Variants in SDC3 observed in about 807,000 individuals in gnomAD.
SDC3 encodes the protein syndecan-3.
SDC3 carries 13 observed loss-of-function variants against 24.4 expected under a neutral mutation model. That is an observed-to-expected ratio of 0.53 (90% CI 0.35 to 0.85). The LOEUF (loss-of-function observed/expected upper bound fraction) is 0.85, where lower values mean the gene tolerates loss of function less well. SDC3 is among the 40% of genes least tolerant of loss of function. The probability of loss-of-function intolerance (pLI) is 0.01; values close to 1 mark genes in which losing one functional copy is unlikely to be tolerated. For synonymous variants in SDC3, 295 were observed against 260.9 expected (o/e 1.13, Z -1.26); for missense variants, 571 against 584.5 (o/e 0.98, Z 0.24).
At chr1:30,889,733 C>A (rs1639879107) in intron 1 of SDC3, among the ~76,000 whole-genome samples, 1 of 152,152 alleles carries the variant, frequency 6.6e-6, no homozygotes, top group South Asian at 2.1e-4. Flanking sequence ...GAAATCGGAA[C>A]CCTCACACAC....
chr1:30,889,572 C>T (rs1028819442), intron 1 of SDC3, among the ~76,000 whole-genome samples: 4 of 152,216 alleles, frequency 2.6e-5, no homozygotes, highest in South Asian at 4.1e-4. Flanking sequence ...TTCTAAACAA[C>T]TCTTCAAGGG....
intron 1 of SDC3, among the ~76,000 whole-genome samples, chr1:30,907,690 A>T (rs1319950389): frequency 2.0e-5 from 3 of 151,924 alleles, no homozygotes; most frequent in Non-Finnish European, 4.4e-5. Flanking sequence ...TGTGGCAGAC[A>T]CATCCTTCAC....
intron 1 of SDC3, among the ~76,000 whole-genome samples, chr1:30,905,960 GAC>G (rs140209147): frequency 0.29 from 43,289 of 147,374 alleles, 6,434 homozygotes; most frequent in East Asian, 0.57. Flanking sequence ...AAGACACGAA[GAC>G]ACACACACAC....
intron 1 of SDC3, 91 bp downstream of exon 1, chr1:30,908,358 C>G: frequency 1.3e-6 from 1 of 741,170 alleles, no homozygotes. Context: ...GGAGCGGGGT[C>G]CCGGAGGGGG....
chr1:30,873,984 G>T (rs892293396), intron 4 of SDC3, among the ~76,000 whole-genome samples: 9 of 152,130 alleles, frequency 5.9e-5, no homozygotes, highest in East Asian at 3.9e-4. Context: ...AGGAAGTAAG[G>T]TCCCAGGGGG....
intron 1 of SDC3, among the ~76,000 whole-genome samples, chr1:30,907,250 C>T (rs538752388): frequency 2.0e-5 from 3 of 152,180 alleles, no homozygotes; most frequent in Non-Finnish European, 4.4e-5. Context: ...TGAGCCAGAA[C>T]CTGGACACTT....
chr1:30,908,261 G>T (rs866372096), intron 1 of SDC3, among the ~76,000 whole-genome samples, 188 bp downstream of exon 1: 1 of 150,190 alleles, frequency 6.7e-6, no homozygotes, highest in African/African-American at 2.4e-5. Flanking sequence ...TTCCGGAGGG[G>T]GGGGAGCAGG....
At chr1:30,898,851 C>G (rs1238704205) in intron 1 of SDC3, among the ~76,000 whole-genome samples, 7 of 152,242 alleles carry the variant, frequency 4.6e-5, no homozygotes, top group African/African-American at 1.7e-4. Context: ...AGAGAGGGAA[C>G]AGGCTGCCTG....
chr1:30,873,666 C>T (rs1363288813), intron 4 of SDC3, among the ~76,000 whole-genome samples: 1 of 152,068 alleles, frequency 6.6e-6, no homozygotes, highest in African/African-American at 2.4e-5. Flanking sequence ...TCATAAGATG[C>T]CCCAGTATTT....
intron 1 of SDC3, among the ~76,000 whole-genome samples, chr1:30,901,566 A>G (rs997174631): frequency 6.6e-6 from 1 of 152,124 alleles, no homozygotes; most frequent in Non-Finnish European, 1.5e-5. Context: ...ACTCAGCACC[A>G]CGGACCCTAG....
intron 1 of SDC3, among the ~76,000 whole-genome samples, chr1:30,906,161 G>A (rs765630385): frequency 3.9e-5 from 6 of 152,220 alleles, no homozygotes; most frequent in East Asian, 1.9e-4. Flanking sequence ...GCGGAACCCC[G>A]GCAACCAGGT....
At position 30,876,823 on chromosome 1, in the gene SDC3, G is replaced by T; in HGVS notation, c.599C>A (p.Thr200Asn). ...TPAAPPFTAT[T>N]AVIRTTGVRR... ...TACGCCAGTGGTCCTTATAACAGCA[G>T]TGGTGGCCGTAAAAGGGGGTGCTGC... is the stretch of plus-strand genomic sequence containing the variant. Residue 200 changes from threonine to asparagine, a missense_variant, in exon 3 of 5, where the codon ACT (threonine) becomes AAT (asparagine). Transcript: ENST00000339394. 2.5e-6 allele frequency: 4 copies of T among 1,611,542 alleles called. No homozygotes were observed. Among genetic ancestry groups the T allele is most frequent in the Non-Finnish European group, 3.4e-6 (4 of 1,178,794 alleles).
chr1:30,888,495 C>T (rs765007633), intron 1 of SDC3, among the ~76,000 whole-genome samples: 1 of 152,074 alleles, frequency 6.6e-6, no homozygotes, highest in African/African-American at 2.4e-5. Context: ...CCAGCTGTCC[C>T]GGGAGCCTGC....
In SDC3 at chr1:30,872,669, G is replaced by C. The variant is rs1569985053; in HGVS notation, c.*542C>G. ...AGGAGAGATTCAACAACCCCAGAGAGACCAGGACAAAACAGGCTGGTGACA... is the reference window on the plus strand; with the variant it reads ...AGGAGAGATTCAACAACCCCAGAGACACCAGGACAAAACAGGCTGGTGACA... On this transcript the variant is annotated 3_prime_UTR_variant, in exon 5 of 5. Coordinates refer to ENST00000339394, the MANE Select transcript of SDC3 (RefSeq NM_014654.4). The C allele has an allele frequency of 6.4e-6, 1 of 155,798 alleles. No individual in the cohort carries two copies. Among genetic ancestry groups the C allele is most frequent in the Non-Finnish European group, 1.4e-5 (1 of 70,100 alleles). The allele number at this position is 155,798 out of a possible 1,614,324, so 9.7% of individuals were successfully genotyped here. A position where few individuals can be genotyped will look rare whatever the true frequency, so the allele number is the denominator to read the frequency against.
At position 30,877,060 on chromosome 1, in the gene SDC3, G is replaced by C; in HGVS notation, c.362C>G (p.Pro121Arg). 6.2e-7 allele frequency: 1 copy of C among 1,613,988 alleles called. No homozygotes were observed. Among genetic ancestry groups the C allele is most frequent in the South Asian group, 1.1e-5 (1 of 91,082 alleles). Reference sequence around the variant, plus strand: ...GAGCTCTTCAAATGGTGTGCCCACAGGCTGGATGTTCGTGGTGGGCAGCAC... The same window carrying C: ...GAGCTCTTCAAATGGTGTGCCCACACGCTGGATGTTCGTGGTGGGCAGCAC... ...PAVLPTTNIQPVGTPFEELPS... is the reference protein window; with the variant it reads ...PAVLPTTNIQRVGTPFEELPS... Residue 121 changes from proline (P) to arginine (R), a missense_variant, in exon 3 of 5, where the codon CCT (proline) becomes CGT (arginine). Pro to Arg is a moderately radical substitution (Grantham distance 103, BLOSUM62 -2). This residue lies in a region of SDC3 where 497 missense variants were observed against 471.6 expected (regional missense o/e 1.05). Transcript: ENST00000339394.
Position 30,879,428 on chromosome 1 carries a change from C to T in SDC3, c.139-688G>A, listed in dbSNP as rs147443722. ...CTCCCGTGACGAATTGCTGGGTCTT[C>T]CTCCTTTTTTAAACATTCTAGGAGC... On this transcript the variant is annotated intron_variant, in intron 1 of 4. Coordinates refer to ENST00000339394, the MANE Select transcript of SDC3 (RefSeq NM_014654.4). Among the ~76,000 whole-genome samples the T allele has an allele frequency of 1.5e-4, 23 of 152,312 alleles. No homozygotes were observed. The East Asian group carries it at 4.0e-3, about 27-fold the overall frequency.
intron 2 of SDC3, 101 bp from the exon 3 acceptor site, chr1:30,877,266 C>T (rs572340359): frequency 2.0e-6 from 3 of 1,465,764 alleles, no homozygotes; most frequent in East Asian, 2.4e-5. Context: ...GGTCTCCCAA[C>T]CCCCTCTCTT....
chr1:30,906,468 C>A (rs1638522006), intron 1 of SDC3, among the ~76,000 whole-genome samples: 1 of 152,192 alleles, frequency 6.6e-6, no homozygotes, highest in Non-Finnish European at 1.5e-5. Context: ...TAAATGCTCT[C>A]ACTAAGTCCT....
At chr1:30,894,549 T>TGTGTGTGGGTGAGA (rs577539804) in intron 1 of SDC3, among the ~76,000 whole-genome samples, 3 of 130,480 alleles carry the variant, frequency 2.3e-5, no homozygotes, top group Non-Finnish European at 4.8e-5. Context: ...CGTGGATGAG[T>TGTGTGTGGGTGAGA]GTGTGTGGGT....
Sources: allele counts gnomAD v4.1 joint callset (sites outside exome capture counted in the v4.1 genomes callset), GRCh38; gene constraint gnomAD v4.1.1; regional missense constraint gnomAD v4.1.1; transcripts MANE v1.5; gene names NCBI Gene and HGNC (gene_info 2026-07-23, HGNC 2026-07-21).